TLK2: variants seen among roughly 807,000 people sequenced by gnomAD.
TLK2 encodes serine/threonine-protein kinase tousled-like 2.
In TLK2, 6 loss-of-function variants were observed where a neutral mutation model predicts 117.3. The ratio of observed to expected loss-of-function variants is 0.05; its 90% confidence interval spans 0.03 to 0.10. TLK2 has a LOEUF of 0.10. TLK2 is among the 10% of genes least tolerant of loss of function. The pLI, the probability that TLK2 is intolerant of heterozygous loss-of-function variation, is 1.00. For missense variants in TLK2, 299 were observed against 901.2 expected (o/e 0.33, Z 8.56); for synonymous variants, 257 against 316.7 (o/e 0.81, Z 2.00).
intron 7 of TLK2, among the ~76,000 whole-genome samples, chr17:62,545,618 A>G (rs1338952459): frequency 6.6e-6 from 1 of 152,064 alleles, no homozygotes; most frequent in Non-Finnish European, 1.5e-5. Flanking sequence ...GACTGTCTCA[A>G]AAAAAAGAGA....
chr17:62,546,599 A>G (rs916419438), intron 7 of TLK2, among the ~76,000 whole-genome samples: 4 of 140,316 alleles, frequency 2.9e-5, no homozygotes, highest in African/African-American at 1.1e-4. Flanking sequence ...CATGTCACCC[A>G]GGCTGGAGTG....
intron 6 of TLK2, 53 bp from the exon 7 acceptor site, chr17:62,536,117 A>G: frequency 1.3e-6 from 2 of 1,572,356 alleles, no homozygotes; most frequent in Non-Finnish European, 1.7e-6. Context: ...ATGTTTGGGC[A>G]GTATCAGATT....
chr17:62,508,690 G>A (rs1475309202), intron 2 of TLK2: 3 of 601,692 alleles, frequency 5.0e-6, no homozygotes, highest in East Asian at 1.4e-4. Flanking sequence ...ATAGGGGCCG[G>A]GCGTGGTGTT....
At chr17:62,522,326 G>T in intron 4 of TLK2, 53 bp downstream of exon 4, 2 of 1,556,454 alleles carry the variant, frequency 1.3e-6, no homozygotes, top group Non-Finnish European at 1.7e-6. Flanking sequence ...TACTTAGATA[G>T]AATTTTCTAA....
At chr17:62,519,304 G>C (rs975783225) in intron 2 of TLK2, among the ~76,000 whole-genome samples, 3 of 152,174 alleles carry the variant, frequency 2.0e-5, no homozygotes, top group African/African-American at 7.2e-5. Context: ...GTTGAATTGT[G>C]TTGGCACCCT....
intron 12 of TLK2, 138 bp downstream of exon 12, chr17:62,573,505 G>C (rs1399079603): frequency 8.5e-7 from 1 of 1,179,326 alleles, no homozygotes; most frequent in African/African-American, 1.6e-5. Flanking sequence ...TAATGGATTT[G>C]CTCAACTCAT....
In TLK2 at chr17:62,545,311, T is replaced by C. The variant is rs569099936; in HGVS notation, c.532-6991T>C. Among the ~76,000 whole-genome samples the C allele has an allele frequency of 2.0e-5, 3 of 152,318 alleles. No individual in the cohort carries two copies. The South Asian group carries it at 6.2e-4, about 32-fold the overall frequency. Reference sequence around the variant, plus strand: ...AAGTGCTGGGATTGTTTTAAAGGTTTAAGCAAGTTTTAAAACGTTAATTGT... The same window carrying C: ...AAGTGCTGGGATTGTTTTAAAGGTTCAAGCAAGTTTTAAAACGTTAATTGT... On this transcript the variant is annotated intron_variant, in intron 7 of 21. Transcript: ENST00000346027.
chr17:62,498,702 T>C (rs1003156125), intron 2 of TLK2, among the ~76,000 whole-genome samples: 1 of 152,116 alleles, frequency 6.6e-6, no homozygotes, highest in Non-Finnish European at 1.5e-5. Flanking sequence ...AGCCCTGTCT[T>C]TTTTACTGTA....
chr17:62,578,883 G>C (rs765027778), intron 14 of TLK2, among the ~76,000 whole-genome samples: 18 of 152,286 alleles, frequency 1.2e-4, no homozygotes, highest in Middle Eastern at 3.4e-3. Flanking sequence ...TGCATATTCA[G>C]ATTTTCCTAC....
Position 62,559,998 on chromosome 17 carries a change from A to T in TLK2, c.721-18A>T, listed in dbSNP as rs777550024. ...TCTTCTTCCTTGGAGCTAATTAAAA[A>T]TTTTTTTCTCATTGAAGGCCAACTG... On this transcript the variant is annotated intron_variant, in intron 9 of 21. Coordinates refer to ENST00000346027, the MANE Select transcript of TLK2 (RefSeq NM_006852.6). 1.1e-4 allele frequency: 175 copies of T among 1,570,420 alleles called. No individual in the cohort carries two copies. The highest frequency in any genetic ancestry group is 1.4e-4 in the Non-Finnish European group (163 of 1,154,296).
At chr17:62,525,639 G>A (rs1598384623) in intron 6 of TLK2, among the ~76,000 whole-genome samples, 1 of 152,132 alleles carries the variant, frequency 6.6e-6, no homozygotes. Context: ...TTGTAGAGGC[G>A]TGGTTTCACC....
intron 2 of TLK2, among the ~76,000 whole-genome samples, chr17:62,501,508 C>T (rs2074192905): frequency 6.6e-6 from 1 of 151,284 alleles, no homozygotes; most frequent in African/African-American, 2.4e-5. Context: ...CAAGGTGGGC[C>T]AATTGCTTGA....
chr17:62,525,383 A>G (rs1235405253), intron 6 of TLK2, among the ~76,000 whole-genome samples: 2 of 152,132 alleles, frequency 1.3e-5, no homozygotes, highest in African/African-American at 2.4e-5. Context: ...ATGAAAACAT[A>G]AGTTAAACTT....
intron 7 of TLK2, among the ~76,000 whole-genome samples, chr17:62,537,613 G>A (rs2077203644): frequency 6.6e-6 from 1 of 152,094 alleles, no homozygotes; most frequent in Admixed American, 6.6e-5. Context: ...GTCCAGGTCT[G>A]GTTTCTGCTT....
intron 16 of TLK2, among the ~76,000 whole-genome samples, chr17:62,589,057 AAAT>A (rs768162998): frequency 6.6e-6 from 1 of 152,056 alleles, no homozygotes. Flanking sequence ...TTTCAAAAGA[AAAT>A]AAAAGGTGTT....
chr17:62,471,415 C>T (rs1177950219), intron 1 of TLK2, among the ~76,000 whole-genome samples: 14 of 152,180 alleles, frequency 9.2e-5, no homozygotes. Context: ...TGGAAGATTT[C>T]CCCATAGCCT....
chr17:62,520,676 TAAAA>T (rs59245612), intron 2 of TLK2, 93 bp from the exon 3 acceptor site: 827 of 873,806 alleles, frequency 9.5e-4, no homozygotes, highest in East Asian at 1.3e-3. Flanking sequence ...AAACTCTGTC[TAAAA>T]AAAAAAAAAA....
chr17:62,488,598 C>T (rs1715116142), intron 2 of TLK2, among the ~76,000 whole-genome samples: 1 of 152,116 alleles, frequency 6.6e-6, no homozygotes. Context: ...AGTACCAACA[C>T]GTGCCTCTTT....
At chr17:62,503,142 C>T (rs1292431921) in intron 2 of TLK2, among the ~76,000 whole-genome samples, 1 of 147,622 alleles carries the variant, frequency 6.8e-6, no homozygotes, top group Non-Finnish European at 1.5e-5. Context: ...TCACGGCAAG[C>T]TCCGCCTCCC....
Sources: gnomAD v4.1 joint callset for allele counts (sites outside exome capture counted in the v4.1 genomes callset) on GRCh38, gnomAD v4.1.1 for gene constraint, MANE v1.5 for transcripts, NCBI Gene and HGNC (gene_info 2026-07-23, HGNC 2026-07-21) for gene names.